Variants in VPS13D observed in about 807,000 individuals in gnomAD.
The protein encoded by VPS13D is intermembrane lipid transfer protein VPS13D.
A neutral mutation model predicts 461.9 loss-of-function variants in VPS13D; 187 were observed. The observed-to-expected ratio is 0.40, with a 90% CI of 0.36 to 0.46. The LOEUF (loss-of-function observed/expected upper bound fraction) is 0.46. VPS13D is among the 20% of genes least tolerant of loss of function. The pLI is 0.60. For missense variants in VPS13D, 4,711 were observed against 5,364.9 expected (o/e 0.88, Z 3.81); for synonymous variants, 1,951 against 1,986.3 (o/e 0.98, Z 0.47).
At chr1:12,352,243 A>T (rs1489179680) in intron 46 of VPS13D, among the ~76,000 whole-genome samples, 1 of 152,070 alleles carries the variant, frequency 6.6e-6, no homozygotes, top group Non-Finnish European at 1.5e-5. Context: ...GTGAACTGAG[A>T]TCACACCACT....
chr1:12,369,209 G>A (rs987636140), intron 53 of VPS13D, among the ~76,000 whole-genome samples: 4 of 151,396 alleles, frequency 2.6e-5, no homozygotes. Context: ...TAGGATATAT[G>A]TATATATGTG....
chr1:12,260,140 C>G (rs1249301181), intron 10 of VPS13D, among the ~76,000 whole-genome samples: 5 of 149,974 alleles, frequency 3.3e-5, no homozygotes, highest in Non-Finnish European at 7.4e-5. Context: ...ATTCTCCTGC[C>G]TCAGCCTCCT....
rs755309551 is a variant in VPS13D, at chr1:12,338,261, G to A, written c.8582G>A (p.Ser2861Asn). Residue 2861 changes from serine to asparagine, a missense_variant, in exon 40 of 70, where the codon AGT becomes AAT. By Grantham distance (46) the Ser-to-Asn change is conservative (BLOSUM62 1). This residue lies in a region of VPS13D where 4,411 missense variants were observed against 4,937.8 expected (regional missense o/e 0.89). Coordinates refer to ENST00000620676, the MANE Select transcript of VPS13D (RefSeq NM_015378.4). The stretch of plus-strand genomic sequence containing the variant: ...CCCCTTGTCTACCTTAGAACTAGGA[G>A]TACAGCCAGTCTGACTAACCTAGAG... ...SLPLVYLRTR[S>N]TASLTNLEHQ... 3.7e-6 allele frequency: 6 copies of A among 1,613,752 alleles called. No homozygotes were observed. In the East Asian group the frequency reaches 1.1e-4, roughly 30 times the overall value.
In VPS13D at chr1:12,456,202, G is replaced by A. The variant is rs934716767; in HGVS notation, c.12466+72G>A. 5 of 1,520,790 alleles carry A rather than the reference G, an allele frequency of 3.3e-6. No individual in the cohort carries two copies. The Admixed American group carries it at 1.1e-4, about 34-fold the overall frequency. 94.2% of individuals were successfully genotyped at this position (1,520,790 alleles called of 1,614,324 possible). On this transcript the variant is annotated intron_variant, in intron 66 of 69. Coordinates refer to ENST00000620676, the MANE Select transcript of VPS13D (RefSeq NM_015378.4). Reference sequence around the variant, plus strand: ...GCGCCTTTGTATCAATCTGATTGCAGCTATAAAAAAAGAAAGGTGGGCTGG... The same window carrying A: ...GCGCCTTTGTATCAATCTGATTGCAACTATAAAAAAAGAAAGGTGGGCTGG...
chr1:12,323,944 C>A (rs920398019), intron 35 of VPS13D, among the ~76,000 whole-genome samples, 164 bp downstream of exon 35: 1 of 152,040 alleles, frequency 6.6e-6, no homozygotes, highest in African/African-American at 2.4e-5. Context: ...GTAATAATAA[C>A]GTCACCCAGG....
chr1:12,281,417 G>C (rs1004200306), intron 20 of VPS13D, among the ~76,000 whole-genome samples: 1 of 152,114 alleles, frequency 6.6e-6, no homozygotes, highest in Non-Finnish European at 1.5e-5. Flanking sequence ...AACTAAGTCA[G>C]TTGTCCTGTG....
chr1:12,258,920 TG>T (rs888553671), intron 10 of VPS13D, among the ~76,000 whole-genome samples: 14 of 152,342 alleles, frequency 9.2e-5, no homozygotes, highest in African/African-American at 3.1e-4. Flanking sequence ...CCTGAGGCTG[TG>T]GCCCATTCAC....
At chr1:12,420,497 C>T (rs779595715) in intron 65 of VPS13D, among the ~76,000 whole-genome samples, 5 of 152,194 alleles carry the variant, frequency 3.3e-5, no homozygotes, top group Non-Finnish European at 7.3e-5. Context: ...GACCAGAGGG[C>T]TTTAGCCTGG....
intron 36 of VPS13D, 129 bp from the exon 37 acceptor site, chr1:12,329,700 A>G (rs1643280939): frequency 4.6e-6 from 3 of 646,582 alleles, no homozygotes; most frequent in Non-Finnish European, 8.1e-6. Context: ...TACATGATGA[A>G]CAAAGTATCA....
chr1:12,408,415 G>A (rs1019889571), intron 63 of VPS13D, among the ~76,000 whole-genome samples: 1 of 152,158 alleles, frequency 6.6e-6, no homozygotes, highest in African/African-American at 2.4e-5. Flanking sequence ...TCAGGCTGAA[G>A]TGCAGTGGCA....
At chr1:12,264,643 G>A (rs190844878) in intron 13 of VPS13D, among the ~76,000 whole-genome samples, 1 of 152,290 alleles carries the variant, frequency 6.6e-6, no homozygotes, top group Non-Finnish European at 1.5e-5. Flanking sequence ...TGAGGAAACT[G>A]CAGAAGAAAA....
intron 22 of VPS13D, among the ~76,000 whole-genome samples, chr1:12,290,057 C>T (rs964768125): frequency 3.9e-5 from 6 of 152,092 alleles, no homozygotes; most frequent in South Asian, 2.1e-4. Flanking sequence ...ACAGAGGCAA[C>T]GGTTCAGAAT....
chr1:12,466,725 A>G (rs11121913), intron 67 of VPS13D, among the ~76,000 whole-genome samples: 138,199 of 152,248 alleles, frequency 0.91, 63,254 homozygotes, highest in African/African-American at 0.98. Flanking sequence ...CTAAGGCTCT[A>G]GTTCTAATCT....
rs904226407 is a variant in VPS13D at position 12,346,474 on chromosome 1, C to T, written c.9022-131C>T. ...TCTTTAAGAGGAGATGTTTTATCTT[C>T]ATAGTAGACTATACTTTACTTGAAA... is the stretch of plus-strand genomic sequence containing the variant. On this transcript the variant is annotated intron_variant, in intron 43 of 69. Transcript: ENST00000620676. 2.3e-5 allele frequency: 19 copies of T among 823,424 alleles called. No individual in the cohort carries two copies. The Admixed American group carries it at 4.0e-4, about 17-fold the overall frequency. The allele number at this position is 823,424 out of a possible 1,614,324, so 51.0% of individuals were successfully genotyped here.
At chr1:12,401,520 C>A in intron 61 of VPS13D, 88 bp from the exon 62 acceptor site, 3 of 884,250 alleles carry the variant, frequency 3.4e-6, no homozygotes, top group Non-Finnish European at 1.8e-6. Flanking sequence ...TTAATGAAAG[C>A]ATACCATGTC....
At chr1:12,301,404 A>G (rs761206987) in intron 25 of VPS13D, among the ~76,000 whole-genome samples, 31 of 152,222 alleles carry the variant, frequency 2.0e-4, no homozygotes, top group South Asian at 4.1e-4. Flanking sequence ...GTAATTTGCT[A>G]TAGTGGCTCA....
intron 36 of VPS13D, 63 bp from the exon 37 acceptor site, chr1:12,329,766 C>T: frequency 8.0e-7 from 1 of 1,252,246 alleles, no homozygotes; most frequent in Non-Finnish European, 1.2e-6. Context: ...TTAATGTCAT[C>T]AGCAAAAGGC....
chr1:12,415,132 G>A lies in VPS13D; in HGVS notation c.12076G>A (p.Ala4026Thr), dbSNP rs774703534. ...GTTTCCTTTGATACGGTTTGAAGAC[G>A]CTGTGATTAATCTAGATCCATTCAC... is the stretch of plus-strand genomic sequence containing the variant. ...LGFPLIRFED[A>T]VINLDPFTRV... The change falls in exon 64 of 70, where the codon GCT becomes ACT. Residue 4026 changes from alanine to threonine, a missense_variant. Coordinates refer to ENST00000620676, the MANE Select transcript of VPS13D (RefSeq NM_015378.4). The A allele has an allele frequency of 5.0e-6, 8 of 1,614,030 alleles. No homozygotes were observed. Among genetic ancestry groups the A allele is most frequent in the East Asian group, 2.2e-5 (1 of 44,870 alleles).
intron 23 of VPS13D, among the ~76,000 whole-genome samples, chr1:12,292,350 TA>T (rs1340780733): frequency 1.3e-5 from 2 of 150,636 alleles, no homozygotes; most frequent in African/African-American, 4.9e-5. Flanking sequence ...TTCTTTTTTT[TA>T]ATCTAAGAGG....
Sources: gnomAD v4.1 joint callset for allele counts (sites outside exome capture counted in the v4.1 genomes callset) on GRCh38, gnomAD v4.1.1 for gene constraint, gnomAD v4.1.1 regional missense constraint, MANE v1.5 for transcripts, NCBI Gene and HGNC (gene_info 2026-07-23, HGNC 2026-07-21) for gene names.